The following FAM234A variants were observed in gnomAD, a reference collection of about 807,000 sequenced individuals.
FAM234A encodes the protein protein FAM234A.
A neutral mutation model predicts 49.1 loss-of-function variants in FAM234A; 42 were observed. The observed-to-expected ratio is 0.86, with a 90% CI of 0.67 to 1.11. FAM234A has a LOEUF of 1.11. Ranked by LOEUF, FAM234A falls within the 50% of genes least tolerant of loss-of-function variation. The pLI, the probability that FAM234A is intolerant of heterozygous loss-of-function variation, is 0.00. For missense variants in FAM234A, 815 were observed against 745.2 expected (o/e 1.09, Z -1.09); for synonymous variants, 369 against 316.2 (o/e 1.17, Z -1.77).
intron 2 of FAM234A, among the ~76,000 whole-genome samples, chr16:251,102 G>A (rs899603339): frequency 2.0e-5 from 3 of 152,072 alleles, no homozygotes; most frequent in African/African-American, 4.8e-5. Flanking sequence ...GATTACAAGC[G>A]CCTGCCACCA....
At chr16:263,488 G>A (rs746956464) in intron 9 of FAM234A, 86 bp downstream of exon 9, 44 of 1,545,920 alleles carry the variant, frequency 2.8e-5, no homozygotes, top group Middle Eastern at 1.9e-4. Flanking sequence ...AGGAGACAGC[G>A]CTGGGGGTGG....
intron 5 of FAM234A, chr16:260,673 T>A (rs1223506973): frequency 2.3e-5 from 11 of 470,450 alleles, no homozygotes; most frequent in Non-Finnish European, 4.9e-5. Flanking sequence ...TGTGGGCTCC[T>A]TGCACCTCAT....
chr16:244,185 G>A (rs536425930), intron 1 of FAM234A, among the ~76,000 whole-genome samples: 6 of 152,202 alleles, frequency 3.9e-5, no homozygotes, highest in South Asian at 2.1e-4. Flanking sequence ...AGCTAGGATG[G>A]TCTCGATCTC....
chr16:267,805 G>A (rs1364170103), downstream of FAM234A, among the ~76,000 whole-genome samples: 1 of 135,276 alleles, frequency 7.4e-6, no homozygotes, highest in African/African-American at 2.9e-5. Flanking sequence ...TACACCACAC[G>A]TGCACTACAC....
chr16:255,596 T>C (rs761816580), intron 3 of FAM234A, among the ~76,000 whole-genome samples: 50 of 152,186 alleles, frequency 3.3e-4, no homozygotes, highest in Non-Finnish European at 5.9e-4. Context: ...TTCCTCATTA[T>C]CTTTGCCATC....
At chr16:263,583 G>T in intron 9 of FAM234A, 117 bp from the exon 10 acceptor site, 1 of 1,267,100 alleles carries the variant, frequency 7.9e-7, no homozygotes. Context: ...CCGTGTCCTG[G>T]GCCCTGGTCC....
Position 253,509 on chromosome 16 carries a change from C to CT in FAM234A, c.-33-871dup, listed in dbSNP as rs375011362. On this transcript the variant is annotated intron_variant, in intron 2 of 12. Transcript: ENST00000399932. The stretch of plus-strand genomic sequence containing the variant: ...TTTTTTTTTGAGACGGAGTGTCACT[C>CT]TGTCGCCCAGGCTGGAGTGCACTGG... 9.3e-5 allele frequency among the ~76,000 whole-genome samples: 14 copies of CT among 150,960 alleles called. No homozygotes were observed. The East Asian group carries it at 1.5e-3, about 17-fold the overall frequency.
intron 2 of FAM234A, among the ~76,000 whole-genome samples, chr16:252,185 G>T (rs147035986): frequency 0.08 from 9,539 of 119,710 alleles, 483 homozygotes; most frequent in Non-Finnish European, 0.12. Flanking sequence ...TCTGTTTTTT[G>T]TTTTTTTTTT....
At chr16:239,409 C>T (rs1192905672) in intron 1 of FAM234A, among the ~76,000 whole-genome samples, 5 of 150,864 alleles carry the variant, frequency 3.3e-5, no homozygotes, top group Non-Finnish European at 5.9e-5. Flanking sequence ...GTCAGGAGAT[C>T]GAGTCCATCC....
intron 5 of FAM234A, chr16:261,101 A>C (rs1167375324): frequency 5.8e-5 from 19 of 329,350 alleles, no homozygotes; most frequent in Non-Finnish European, 5.2e-5. Flanking sequence ...GGAAGGGGGA[A>C]CTCTGCGGTT....
At chr16:251,580 A>C (rs1320867179) in intron 2 of FAM234A, among the ~76,000 whole-genome samples, 1 of 148,308 alleles carries the variant, frequency 6.7e-6, no homozygotes, top group Non-Finnish European at 1.5e-5. Flanking sequence ...GTCTCGCCAC[A>C]TTGCCCAGGC....
intron 2 of FAM234A, among the ~76,000 whole-genome samples, chr16:252,864 G>A (rs1396817660): frequency 5.3e-5 from 8 of 152,180 alleles, no homozygotes; most frequent in East Asian, 1.9e-4. Flanking sequence ...GCCTTCCCTC[G>A]CTGACCTCCG....
chr16:265,393 C>G lies in FAM234A; in HGVS notation c.*371C>G. 1.9e-6 allele frequency: 2 copies of G among 1,044,582 alleles called. No individual in the cohort carries two copies. The highest frequency in any genetic ancestry group is 2.3e-6 in the Non-Finnish European group (2 of 868,376). The allele number at this position is 1,044,582 out of a possible 1,614,324, so 64.7% of individuals were successfully genotyped here. ...GTGCCCTCTCCTTGCCAGCTTCTCCCCAGGCCAGAGCGGCCATCGCGTAGA... is the reference window on the plus strand; with the variant it reads ...GTGCCCTCTCCTTGCCAGCTTCTCCGCAGGCCAGAGCGGCCATCGCGTAGA... On this transcript the variant is annotated 3_prime_UTR_variant, in exon 13 of 13. Transcript: ENST00000399932.
At chr16:238,708 G>C (rs565236629) in intron 1 of FAM234A, among the ~76,000 whole-genome samples, 2 of 143,466 alleles carry the variant, frequency 1.4e-5, no homozygotes, top group Non-Finnish European at 3.0e-5. Context: ...GGAGGTTGTA[G>C]TGAGCAGAGA....
intron 3 of FAM234A, among the ~76,000 whole-genome samples, chr16:256,442 T>G (rs368774989): frequency 1.3e-5 from 2 of 152,222 alleles, no homozygotes; most frequent in African/African-American, 4.8e-5. Flanking sequence ...GTCCCTCTTT[T>G]CGTGTGAGTT....
chr16:249,968 C>T (rs968449811), intron 2 of FAM234A, among the ~76,000 whole-genome samples: 2 of 150,690 alleles, frequency 1.3e-5, no homozygotes, highest in African/African-American at 2.5e-5. Context: ...TCTTTTTAGA[C>T]GGAGTCTCGC....
At chr16:264,290 A>T (rs1294612491) in intron 11 of FAM234A, 119 bp downstream of exon 11, 1 of 1,110,696 alleles carries the variant, frequency 9.0e-7, no homozygotes, top group East Asian at 2.6e-5. Context: ...CATAAGTTGA[A>T]GTCCAGTGAC....
At chr16:252,783 C>G (rs2051071923) in intron 2 of FAM234A, among the ~76,000 whole-genome samples, 1 of 152,202 alleles carries the variant, frequency 6.6e-6, no homozygotes, top group Admixed American at 6.5e-5. Context: ...AAACAAAAGC[C>G]AGCAGTCCCT....
At position 259,581 on chromosome 16, in the gene FAM234A, C is replaced by A; in HGVS notation, c.367C>A (p.Arg123=). Residue 123 remains arginine (R), a synonymous_variant, in exon 4 of 13, where the codon CGA becomes AGA. Coordinates refer to ENST00000399932, the MANE Select transcript of FAM234A (RefSeq NM_032039.4). ...CACCAACAGCAGCAACAATTTCAGC[C>A]GATCCTGTGTGGACGAAGGTAATTT... The part of the protein sequence containing the change: ...KNTNSSNNFS[R]SCVDEGFSSP... The A allele has an allele frequency of 6.2e-7, 1 of 1,604,240 alleles. No individual in the cohort carries two copies. Among genetic ancestry groups the A allele is most frequent in the South Asian group, 1.1e-5 (1 of 90,872 alleles).
Sources: allele counts gnomAD v4.1 joint callset (sites outside exome capture counted in the v4.1 genomes callset), GRCh38; gene constraint gnomAD v4.1.1; transcripts MANE v1.5; gene names NCBI Gene and HGNC (gene_info 2026-07-23, HGNC 2026-07-21).